NT5DC3: variants seen among roughly 807,000 people sequenced by gnomAD.
NT5DC3 encodes 5'-nucleotidase domain-containing protein 3.
Under a neutral mutation model 67.8 loss-of-function variants are expected in NT5DC3, and 42 were observed. The ratio of observed to expected loss-of-function variants is 0.62; its 90% CI spans 0.48 to 0.80. The LOEUF (loss-of-function observed/expected upper bound fraction) is 0.80. Among genes scored for constraint, NT5DC3 ranks in the 30% least tolerant of loss-of-function variants. The probability of loss-of-function intolerance (pLI) is 0.00; values close to 1 mark genes in which losing one functional copy is unlikely to be tolerated. For synonymous variants in NT5DC3, 237 were observed against 255.6 expected (o/e 0.93, Z 0.69); for missense variants, 570 against 696.4 (o/e 0.82, Z 2.04).
At chr12:103,751,001 C>T in the NT5DC3 span, among the ~76,000 whole-genome samples, 7 of 152,144 alleles carry the variant, frequency 4.6e-5, no homozygotes, top group Non-Finnish European at 1.0e-4. Context: ...CTGAGGAAAG[C>T]GAAAAGCCAC....
At chr12:103,801,011 C>A (rs1391306351) in intron 4 of NT5DC3, among the ~76,000 whole-genome samples, 1 of 152,080 alleles carries the variant, frequency 6.6e-6, no homozygotes, top group Non-Finnish European at 1.5e-5. Flanking sequence ...GTGAAAGGAA[C>A]CACCCCAGCT....
At chr12:103,769,829 T>C (rs769023630), downstream of NT5DC3, among the ~76,000 whole-genome samples, 11 of 152,264 alleles carry the variant, frequency 7.2e-5, no homozygotes, top group Non-Finnish European at 1.2e-4. Flanking sequence ...ACGACAAATG[T>C]GTTAGCTTGT....
chr12:103,781,298 T>C (rs1258223823), intron 12 of NT5DC3, among the ~76,000 whole-genome samples: 1 of 152,156 alleles, frequency 6.6e-6, no homozygotes, highest in Non-Finnish European at 1.5e-5. Context: ...GCCAAGAACC[T>C]TCTGTTTATC....
intron 2 of NT5DC3, among the ~76,000 whole-genome samples, chr12:103,809,068 T>C (rs1178126447): frequency 1.3e-5 from 2 of 152,172 alleles, no homozygotes; most frequent in African/African-American, 4.8e-5. Context: ...TGAACCCAGG[T>C]CTGTGTCACA....
downstream of NT5DC3, among the ~76,000 whole-genome samples, chr12:103,765,762 G>A (rs142918352): frequency 6.8e-3 from 1,035 of 152,114 alleles, 7 homozygotes; most frequent in Middle Eastern, 0.02. Context: ...GGCTGATCTC[G>A]AACTCCTGAG....
At chr12:103,754,355 G>T in the NT5DC3 span, among the ~76,000 whole-genome samples, 1 of 152,094 alleles carries the variant, frequency 6.6e-6, no homozygotes, top group Non-Finnish European at 1.5e-5. Flanking sequence ...TGGAATAGTA[G>T]ACCACCTGGG....
intron 12 of NT5DC3, 39 bp downstream of exon 12, chr12:103,785,296 T>G: frequency 1.2e-6 from 2 of 1,606,314 alleles, no homozygotes; most frequent in African/African-American, 1.3e-5. Flanking sequence ...AACCTCAGGC[T>G]TAAAGAAAAA....
At chr12:103,755,825 C>T in the NT5DC3 span, 2 of 1,055,700 alleles carry the variant, frequency 1.9e-6, no homozygotes, top group Non-Finnish European at 1.4e-6. Context: ...CAGTTAAGAG[C>T]ATGGGTGCTG....
At chr12:103,754,807 A>C in the NT5DC3 span, among the ~76,000 whole-genome samples, 11 of 152,104 alleles carry the variant, frequency 7.2e-5, no homozygotes, top group Non-Finnish European at 1.5e-4. Flanking sequence ...TTAGCTGCAC[A>C]TGGTGGTGCA....
At chr12:103,835,921 T>C (rs1699286414) in intron 1 of NT5DC3, among the ~76,000 whole-genome samples, 1 of 152,120 alleles carries the variant, frequency 6.6e-6, no homozygotes. Context: ...GGCCTCAGAA[T>C]CATGGCGGGA....
chr12:103,802,248 G>C (rs942573772), intron 4 of NT5DC3: 1 of 152,290 alleles, frequency 6.6e-6, no homozygotes, highest in African/African-American at 2.4e-5. Context: ...GGAGAAGAAA[G>C]AGGAGAAAGC....
the NT5DC3 span, among the ~76,000 whole-genome samples, chr12:103,764,056 GC>G: frequency 3.9e-4 from 59 of 152,008 alleles, no homozygotes; most frequent in African/African-American, 1.3e-3. Flanking sequence ...CACGATCTCG[GC>G]TCATTGCAAC....
chr12:103,780,978 AC>A (rs1221860918), intron 12 of NT5DC3, among the ~76,000 whole-genome samples: 60 of 130,062 alleles, frequency 4.6e-4, no homozygotes, highest in African/African-American at 1.4e-3. Context: ...ATTTAAAAAA[AC>A]AATTATTTTT....
At chr12:103,827,268 A>T (rs1449152464) in intron 1 of NT5DC3, among the ~76,000 whole-genome samples, 2 of 152,232 alleles carry the variant, frequency 1.3e-5, no homozygotes, top group Non-Finnish European at 2.9e-5. Flanking sequence ...GAATTTATTT[A>T]AAAAATAAAT....
chr12:103,768,504 G>A (rs952567156), downstream of NT5DC3, among the ~76,000 whole-genome samples: 5 of 65,232 alleles, frequency 7.7e-5, no homozygotes, highest in Non-Finnish European at 1.5e-4. Flanking sequence ...TAGGGAGGGG[G>A]AGGGAAAGAT....
In NT5DC3 at chr12:103,796,880, A is replaced by G. The variant is rs1372853112; in HGVS notation, c.753+14T>C. The G allele has an allele frequency of 3.1e-6, 5 of 1,613,964 alleles. No homozygotes were observed. The highest frequency in any genetic ancestry group is 1.7e-5 in the Admixed American group (1 of 60,024). On this transcript the variant is annotated intron_variant, in intron 6 of 13. Coordinates refer to ENST00000392876, the MANE Select transcript of NT5DC3 (RefSeq NM_001031701.3). ...AACAGACTCAGCACTGTAATCTCTC[A>G]CTGTGGATACAACCTTGACATCTTT...
intron 9 of NT5DC3, among the ~76,000 whole-genome samples, chr12:103,790,087 CT>C (rs957113266): frequency 6.0e-5 from 9 of 149,714 alleles, no homozygotes; most frequent in South Asian, 2.1e-4. Context: ...ACAACATCAT[CT>C]TTTTTTTTTC....
chr12:103,781,801 T>C (rs1357406062), intron 12 of NT5DC3, among the ~76,000 whole-genome samples: 1 of 152,224 alleles, frequency 6.6e-6, no homozygotes, highest in Non-Finnish European at 1.5e-5. Context: ...GTACTTAACA[T>C]TGGAAAAGAC....
intron 6 of NT5DC3, among the ~76,000 whole-genome samples, chr12:103,794,784 G>A (rs531286746): frequency 8.5e-5 from 13 of 152,208 alleles, no homozygotes; most frequent in African/African-American, 1.2e-4. Flanking sequence ...GCAGGGCAAC[G>A]AACTGGCAAT....
Sources: allele counts gnomAD v4.1 joint callset (sites outside exome capture counted in the v4.1 genomes callset), GRCh38; gene constraint gnomAD v4.1.1; transcripts MANE v1.5; gene names NCBI Gene and HGNC (gene_info 2026-07-23, HGNC 2026-07-21).